CACNA1C: variants seen among roughly 807,000 people sequenced by gnomAD.
The protein encoded by CACNA1C is calcium voltage-gated channel subunit alpha1 C, also known as voltage-dependent L-type calcium channel subunit alpha-1C.
In CACNA1C, 30 loss-of-function variants were observed where a neutral mutation model predicts 229.0. The ratio of observed to expected loss-of-function variants is 0.13; its 90% CI spans 0.10 to 0.18. CACNA1C has a LOEUF of 0.18. Among genes scored for constraint, CACNA1C ranks in the 10% least tolerant of loss-of-function variants. CACNA1C has a pLI of 1.00. For missense variants in CACNA1C, 1,658 were observed against 2,845.0 expected (o/e 0.58, Z 9.49); for synonymous variants, 1,114 against 1,132.5 (o/e 0.98, Z 0.33).
chr12:2,240,402 A>G (rs1214622785), intron 3 of CACNA1C, among the ~76,000 whole-genome samples: 1 of 152,256 alleles, frequency 6.6e-6, no homozygotes, highest in African/African-American at 2.4e-5. Context: ...TTTGGATTGC[A>G]TTTTAGCAAT....
chr12:1,981,375 C>T (rs928013375), intron 1 of CACNA1C, among the ~76,000 whole-genome samples: 3 of 152,208 alleles, frequency 2.0e-5, no homozygotes, highest in Non-Finnish European at 4.4e-5. Context: ...ATTCAGTACT[C>T]ATTGCAAATA....
chr12:2,277,864 C>T (rs1455975538), intron 3 of CACNA1C, among the ~76,000 whole-genome samples: 2 of 152,244 alleles, frequency 1.3e-5, no homozygotes, highest in African/African-American at 4.8e-5. Flanking sequence ...TTCTGTTACA[C>T]TCGCACAGAG....
chr12:2,043,154 A>C (rs924597798), intron 1 of CACNA1C, among the ~76,000 whole-genome samples: 1 of 152,230 alleles, frequency 6.6e-6, no homozygotes, highest in African/African-American at 2.4e-5. Context: ...TATGAATTAG[A>C]ATCATTGACT....
intron 3 of CACNA1C, among the ~76,000 whole-genome samples, chr12:2,217,015 T>C (rs10848641): frequency 0.17 from 25,440 of 152,222 alleles, 4,394 homozygotes; most frequent in African/African-American, 0.43. Flanking sequence ...AAGTATTCAT[T>C]CGTGGATAAA....
intron 10 of CACNA1C, 135 bp downstream of exon 10, chr12:2,550,168 T>G: frequency 4.2e-6 from 3 of 717,432 alleles, no homozygotes; most frequent in South Asian, 3.4e-5. Flanking sequence ...GAAACAAACC[T>G]CAGGTGGGAA....
intron 1 of CACNA1C, among the ~76,000 whole-genome samples, chr12:2,101,683 A>G (rs2076469459): frequency 6.6e-6 from 1 of 152,036 alleles, no homozygotes; most frequent in Non-Finnish European, 1.5e-5. Flanking sequence ...CCGGTTCCCA[A>G]GGGTGCCCGC....
intron 3 of CACNA1C, among the ~76,000 whole-genome samples, chr12:2,160,825 A>G (rs1597687943): frequency 6.6e-6 from 1 of 152,154 alleles, no homozygotes; most frequent in South Asian, 2.1e-4. Flanking sequence ...TTTTTATTTT[A>G]TTATTATTAT....
chr12:2,503,150 C>T (rs142009253), intron 7 of CACNA1C, among the ~76,000 whole-genome samples: 1 of 152,286 alleles, frequency 6.6e-6, no homozygotes, highest in East Asian at 1.9e-4. Context: ...ATCAGAATCA[C>T]CTGTAGGGCC....
At chr12:2,343,583 C>A (rs2096924538) in intron 3 of CACNA1C, among the ~76,000 whole-genome samples, 1 of 152,122 alleles carries the variant, frequency 6.6e-6, no homozygotes, top group South Asian at 2.1e-4. Flanking sequence ...AGCTGGGTGT[C>A]CTGTATTTTA....
At chr12:2,628,434 T>C (rs932543679) in intron 29 of CACNA1C, among the ~76,000 whole-genome samples, 1 of 152,186 alleles carries the variant, frequency 6.6e-6, no homozygotes, top group Non-Finnish European at 1.5e-5. Context: ...ACTAGTGACC[T>C]GGAGGATGGG....
intron 1 of CACNA1C, among the ~76,000 whole-genome samples, chr12:1,984,026 G>T (rs963865160): frequency 6.6e-6 from 1 of 151,580 alleles, no homozygotes; most frequent in Non-Finnish European, 1.5e-5. Context: ...CATCTACTTT[G>T]TCTGATGTTA....
At chr12:2,636,535 T>C (rs1209444061) in intron 30 of CACNA1C, among the ~76,000 whole-genome samples, 2 of 152,188 alleles carry the variant, frequency 1.3e-5, no homozygotes, top group Admixed American at 6.5e-5. Flanking sequence ...AACTCTAAAC[T>C]ACCCTTTAAA....
chr12:2,679,356 C>A lies in CACNA1C; in HGVS notation c.5092-88C>A, dbSNP rs1430528770. 3.0e-6 allele frequency: 3 copies of A among 1,008,268 alleles called. No individual in the cohort carries two copies. Among genetic ancestry groups the A allele is most frequent in the Non-Finnish European group, 4.3e-6 (3 of 704,032 alleles). The allele number at this position is 1,008,268 out of a possible 1,614,324, so 62.5% of individuals were successfully genotyped here. On this transcript the variant is annotated intron_variant, in intron 41 of 46. Coordinates refer to ENST00000399655, the MANE Select transcript of CACNA1C (RefSeq NM_000719.7). The surrounding 1 kb of genome is among the most constrained non-coding windows in gnomAD (Gnocchi z 5.5). ...AGGCAGCCCGCCTTCCCAGGCCCTGCACTTCCCTGACCTGGCTGTGGAGGC... is the reference window on the plus strand; with the variant it reads ...AGGCAGCCCGCCTTCCCAGGCCCTGAACTTCCCTGACCTGGCTGTGGAGGC...
intron 2 of CACNA1C, among the ~76,000 whole-genome samples, chr12:2,119,045 G>A (rs2085302794): frequency 6.6e-6 from 1 of 152,310 alleles, no homozygotes; most frequent in African/African-American, 2.4e-5. Context: ...CCCTTAACAC[G>A]TCAGAAGGCC....
intron 29 of CACNA1C, among the ~76,000 whole-genome samples, chr12:2,621,746 C>T (rs950767958): frequency 1.3e-5 from 2 of 152,086 alleles, no homozygotes; most frequent in East Asian, 1.9e-4. Flanking sequence ...GAGACGGCTC[C>T]GGGGTTCCTG....
intron 3 of CACNA1C, among the ~76,000 whole-genome samples, chr12:2,300,532 G>A (rs888103014): frequency 5.3e-5 from 8 of 152,192 alleles, no homozygotes; most frequent in African/African-American, 1.9e-4. Context: ...AGGCTGAGGT[G>A]GGAGAATGAC....
chr12:2,586,338 G>A (rs1241747996), intron 18 of CACNA1C, among the ~76,000 whole-genome samples: 2 of 152,188 alleles, frequency 1.3e-5, no homozygotes, highest in Non-Finnish European at 2.9e-5. Flanking sequence ...CACCACAGAT[G>A]TCCCACTTGT....
rs2068705939 is a variant in CACNA1C, at chr12:2,597,158, C to T, written c.2794-72C>T. On this transcript the variant is annotated intron_variant, in intron 20 of 46. Coordinates refer to ENST00000399655, the MANE Select transcript of CACNA1C (RefSeq NM_000719.7). The surrounding 1 kb of genome is among the most constrained non-coding windows in gnomAD (Gnocchi z 4.3). ...TGGCCCCTTTTCTGGTGAACATCCA[C>T]TGACCTCTCTTCCCGTCCTGCTTTT... The T allele has an allele frequency of 5.2e-6, 5 of 957,056 alleles. No homozygotes were observed. Among genetic ancestry groups the T allele is most frequent in the South Asian group, 2.8e-5 (2 of 70,512 alleles). 59.3% of individuals were successfully genotyped at this position (957,056 alleles called of 1,614,324 possible).
intron 3 of CACNA1C, among the ~76,000 whole-genome samples, chr12:2,260,372 A>T (rs548959247): frequency 6.7e-6 from 1 of 148,452 alleles, no homozygotes; most frequent in Non-Finnish European, 1.5e-5. Context: ...GCTACCTGGG[A>T]GGTTGAGGTG....
Sources: allele counts gnomAD v4.1 joint callset (sites outside exome capture counted in the v4.1 genomes callset), GRCh38; gene constraint gnomAD v4.1.1; non-coding constraint Gnocchi (gnomAD v3.1); transcripts MANE v1.5; gene names NCBI Gene and HGNC (gene_info 2026-07-23, HGNC 2026-07-21).